SH3KBP1: variants seen among roughly 807,000 people sequenced by gnomAD.
SH3KBP1 encodes SH3 domain containing kinase binding protein 1.
Under a neutral mutation model 50.1 loss-of-function variants are expected in SH3KBP1, and 8 were observed. The ratio of observed to expected loss-of-function variants is 0.16; its 90% CI spans 0.09 to 0.29. The LOEUF is 0.29. Among genes scored for constraint, SH3KBP1 ranks in the 10% least tolerant of loss-of-function variants. The pLI is 1.00. For synonymous variants in SH3KBP1, 227 were observed against 218.6 expected (o/e 1.04, Z -0.34); for missense variants, 377 against 535.2 (o/e 0.70, Z 2.92).
At chrX:19,710,421 C>T (rs2063748300) in intron 3 of SH3KBP1, among the ~76,000 whole-genome samples, 1 of 111,788 alleles carries the variant, frequency 8.9e-6, no homozygotes, top group Admixed American at 9.5e-5. Context: ...AGTAGCCAAA[C>T]GCTACGTCAC....
At chrX:19,700,179 A>G (rs1298316901) in intron 4 of SH3KBP1, among the ~76,000 whole-genome samples, 1 of 111,570 alleles carries the variant, frequency 9.0e-6, no homozygotes, top group East Asian at 2.8e-4. Flanking sequence ...AAGAAAAGTG[A>G]CACATCAAAG....
At chrX:19,808,595 C>G (rs1212645788) in intron 2 of SH3KBP1, among the ~76,000 whole-genome samples, 1 of 111,113 alleles carries the variant, frequency 9.0e-6, no homozygotes, top group African/African-American at 3.3e-5. Context: ...GGGATAGGAC[C>G]CCCTCCCCCA....
intron 9 of SH3KBP1, among the ~76,000 whole-genome samples, chrX:19,606,377 C>T (rs5955825): frequency 0.077 from 8,633 of 112,142 alleles, 763 homozygotes; most frequent in African/African-American, 0.26. Context: ...GCCATCCTTA[C>T]TCCTGCGTCC....
chrX:19,808,143 A>G (rs1166466686), intron 2 of SH3KBP1, among the ~76,000 whole-genome samples: 5 of 111,066 alleles, frequency 4.5e-5, no homozygotes, highest in Non-Finnish European at 5.7e-5. Context: ...GCTAGCCTGC[A>G]GGTGGGGTGA....
intron 6 of SH3KBP1, among the ~76,000 whole-genome samples, chrX:19,665,654 G>A (rs1481284865): frequency 3.6e-5 from 4 of 112,053 alleles, no homozygotes; most frequent in Non-Finnish European, 7.5e-5. Context: ...GAATAAGGCT[G>A]TCATCCTGTA....
chrX:19,734,827 A>G (rs915549373), intron 3 of SH3KBP1, among the ~76,000 whole-genome samples: 33 of 112,127 alleles, frequency 2.9e-4, no homozygotes, highest in Admixed American at 2.9e-3. Context: ...TAATGTTTTC[A>G]AGGTTCATCC....
chrX:19,776,132 G>T (rs767386), intron 2 of SH3KBP1, among the ~76,000 whole-genome samples: 6,496 of 111,419 alleles, frequency 0.058, 218 homozygotes, highest in Non-Finnish European at 0.094. Context: ...AGGAAAGAAA[G>T]ACCTCAGAAG....
At chrX:19,552,353 G>T (rs2065266372) in intron 13 of SH3KBP1, among the ~76,000 whole-genome samples, 1 of 111,089 alleles carries the variant, frequency 9.0e-6, no homozygotes, top group African/African-American at 3.3e-5. Flanking sequence ...CCAGGACAGG[G>T]AGGTTTGTTG....
At chrX:19,745,388 G>T (rs1054481442) in intron 3 of SH3KBP1, among the ~76,000 whole-genome samples, 9 of 112,274 alleles carry the variant, frequency 8.0e-5, no homozygotes, top group African/African-American at 2.9e-4. Context: ...TGATCAATGG[G>T]CAGTTTACTG....
chrX:19,691,331 T>G (rs866158364), intron 5 of SH3KBP1, among the ~76,000 whole-genome samples: 1,375 of 81,053 alleles, frequency 0.017, 31 homozygotes, highest in African/African-American at 0.09. Flanking sequence ...TGTCGCTCTC[T>G]CTCTCTCTCT....
chrX:19,557,819 C>T (rs2065538461), intron 13 of SH3KBP1, among the ~76,000 whole-genome samples: 1 of 111,898 alleles, frequency 8.9e-6, no homozygotes, highest in Non-Finnish European at 1.9e-5. Context: ...CCACATGGAG[C>T]TAAGAACCCA....
At chrX:19,585,690 CCAGCAGCAGCAGCAGCAGCAG>C (rs760758680) in intron 12 of SH3KBP1, among the ~76,000 whole-genome samples, 1 of 108,707 alleles carries the variant, frequency 9.2e-6, no homozygotes, top group African/African-American at 3.4e-5. Context: ...ACCACCACTA[CCAGCAGCAGCAGCAGCAGCAG>C]CAGCAGCAGC....
chrX:19,622,852 G>T (rs2148219545), intron 8 of SH3KBP1, among the ~76,000 whole-genome samples: 1 of 111,353 alleles, frequency 9.0e-6, no homozygotes, highest in South Asian at 3.7e-4. Context: ...AGACCAGCCT[G>T]GCCAACATGG....
At chrX:19,866,676 C>T (rs771653074) in intron 1 of SH3KBP1, among the ~76,000 whole-genome samples, 2 of 100,065 alleles carry the variant, frequency 2.0e-5, no homozygotes, top group Admixed American at 1.1e-4. Flanking sequence ...CGCAACAGAG[C>T]GAGACCCTGT....
chrX:19,639,258 G>A (rs897135918), intron 7 of SH3KBP1, among the ~76,000 whole-genome samples: 5 of 111,762 alleles, frequency 4.5e-5, no homozygotes, highest in African/African-American at 1.6e-4. Context: ...CTTCGGTCTC[G>A]GATGCTGTTG....
intron 2 of SH3KBP1, among the ~76,000 whole-genome samples, chrX:19,758,502 A>G (rs866826137): frequency 8.1e-5 from 9 of 110,961 alleles, no homozygotes; most frequent in Middle Eastern, 9.4e-3. Context: ...AAAAAGAGCT[A>G]AACAGTTTGG....
chrX:19,689,454 T>G (rs928958747), intron 5 of SH3KBP1, among the ~76,000 whole-genome samples: 5 of 112,327 alleles, frequency 4.5e-5, no homozygotes. Flanking sequence ...CTTCCATGTG[T>G]TCTTCCCTAA....
Position 19,550,789 on chromosome X carries a change from A to G in SH3KBP1, c.1385-706T>C, listed in dbSNP as rs924323385. Reference sequence around the variant, plus strand: ...GTGGCCATCTAGTCACAGGATGGCAAGGCAGAAAAATGGAAAATGTTAACT... The same window carrying G: ...GTGGCCATCTAGTCACAGGATGGCAGGGCAGAAAAATGGAAAATGTTAACT... On this transcript the variant is annotated intron_variant, in intron 13 of 17. Coordinates refer to ENST00000397821, the MANE Select transcript of SH3KBP1 (RefSeq NM_031892.3). Among the ~76,000 whole-genome samples, 15 of 110,653 alleles carry G rather than the reference A, an allele frequency of 1.4e-4. No individual in the cohort carries two copies. The Admixed American group carries it at 1.5e-3, about 11-fold the overall frequency.
At chrX:19,705,067 G>A (rs893978657) in intron 4 of SH3KBP1, among the ~76,000 whole-genome samples, 1 of 111,895 alleles carries the variant, frequency 8.9e-6, no homozygotes, top group African/African-American at 3.2e-5. Context: ...CTTGCCAACA[G>A]CTTAACCACT....
Sources: gnomAD v4.1 joint callset for allele counts (sites outside exome capture counted in the v4.1 genomes callset) on GRCh38, gnomAD v4.1.1 for gene constraint, MANE v1.5 for transcripts, NCBI Gene and HGNC (gene_info 2026-07-23, HGNC 2026-07-21) for gene names.